Variants in CAAP1 observed in about 807,000 individuals in gnomAD.
The protein encoded by CAAP1 is conserved anti-apoptotic protein.
CAAP1 carries 20 observed loss-of-function variants against 34.0 expected under a neutral mutation model. That is an observed-to-expected ratio of 0.59 (90% CI 0.41 to 0.86). The LOEUF is 0.86. Among genes scored for constraint, CAAP1 ranks in the 40% least tolerant of loss-of-function variants. CAAP1 has a pLI of 0.00. For synonymous variants in CAAP1, 213 were observed against 166.7 expected, an observed-to-expected ratio of 1.28 and a Z score of -2.14; for missense variants, 538 against 450.5, an observed-to-expected ratio of 1.19 and a Z score of -1.76.
chr9:26,886,349 A>C (rs563702681), intron 2 of CAAP1, among the ~76,000 whole-genome samples, 161 bp from the exon 3 acceptor site: 1 of 152,342 alleles, frequency 6.6e-6, no homozygotes, highest in East Asian at 1.9e-4. Flanking sequence ...ATGAAATCTG[A>C]AAAACTGCCA....
At chr9:26,852,928 C>T (rs1321978324) in intron 5 of CAAP1, among the ~76,000 whole-genome samples, 1 of 152,158 alleles carries the variant, frequency 6.6e-6, no homozygotes, top group Non-Finnish European at 1.5e-5. Context: ...ACAGCAAAAG[C>T]AAAGCCTCTG....
chr9:26,859,472 T>G (rs1313549314), intron 5 of CAAP1, among the ~76,000 whole-genome samples: 3 of 152,218 alleles, frequency 2.0e-5, no homozygotes, highest in Non-Finnish European at 4.4e-5. Context: ...CTAGCTTTTC[T>G]TATCCTTTAT....
chr9:26,848,068 T>A (rs1050450485), intron 5 of CAAP1, among the ~76,000 whole-genome samples: 1 of 152,254 alleles, frequency 6.6e-6, no homozygotes, highest in Non-Finnish European at 1.5e-5. Context: ...AAACACTAGA[T>A]ATACTTTAAT....
chr9:26,873,274 T>C (rs1323443293), intron 4 of CAAP1, among the ~76,000 whole-genome samples: 1 of 152,182 alleles, frequency 6.6e-6, no homozygotes, highest in Non-Finnish European at 1.5e-5. Flanking sequence ...TGTTTTAACT[T>C]ATTTTGAGAA....
rs761402354 is a variant in CAAP1, at chr9:26,846,415, CAAAAAAAAAAAAA to C, written c.740-3781_740-3769del. On this transcript the variant is annotated intron_variant, in intron 5 of 5. Coordinates refer to ENST00000333916, the MANE Select transcript of CAAP1 (RefSeq NM_024828.4). ...TGGGTGACAGAGCGAGACTCTGTCT[CAAAAAAAAAAAAA>C]AAAAAAAAAAAGAAGAAGAAAAAAA... 8.5e-3 allele frequency among the ~76,000 whole-genome samples: 522 copies of C among 61,770 alleles called. 1 individual carries two copies. Among genetic ancestry groups the C allele is most frequent in the African/African-American group, 0.027 (478 of 17,722 alleles). 40.5% of individuals were successfully genotyped at this position (61,770 alleles called of 152,430 possible). A position where few individuals can be genotyped will look rare whatever the true frequency, so the allele number is the denominator to read the frequency against.
intron 4 of CAAP1, among the ~76,000 whole-genome samples, chr9:26,882,834 C>T (rs148464434): frequency 6.6e-6 from 1 of 152,296 alleles, no homozygotes; most frequent in African/African-American, 2.4e-5. Flanking sequence ...CCATTTGCAT[C>T]AGTGTGACCT....
chr9:26,858,738 G>A (rs140757333), intron 5 of CAAP1, among the ~76,000 whole-genome samples: 4,575 of 151,808 alleles, frequency 0.03, 79 homozygotes, highest in South Asian at 0.046. Flanking sequence ...CAGGGGAATG[G>A]TGTGAACCTG....
chr9:26,844,462 G>C (rs1822549489), intron 5 of CAAP1, among the ~76,000 whole-genome samples: 1 of 152,168 alleles, frequency 6.6e-6, no homozygotes, highest in Non-Finnish European at 1.5e-5. Context: ...CACTGATTCT[G>C]AATAAGAAAC....
In CAAP1 at chr9:26,841,592, C is replaced by G. The variant is rs1269254428; in HGVS notation, c.*709G>C. On this transcript the variant is annotated 3_prime_UTR_variant, in exon 6 of 6. Coordinates refer to ENST00000333916, the MANE Select transcript of CAAP1 (RefSeq NM_024828.4). ...TAAAATATTCTTCATTTCCTGACAG[C>G]TTGGAATGTAAATGAAAACTTGTTC... 1 of 152,480 alleles carries G rather than the reference C, an allele frequency of 6.6e-6. No homozygotes were observed. The highest frequency in any genetic ancestry group is 1.5e-5 in the Non-Finnish European group (1 of 67,970). 9.4% of individuals were successfully genotyped at this position (152,480 alleles called of 1,614,324 possible).
At chr9:26,867,502 T>A (rs1298221027) in intron 4 of CAAP1, among the ~76,000 whole-genome samples, 8 of 152,180 alleles carry the variant, frequency 5.3e-5, no homozygotes, top group Non-Finnish European at 8.8e-5. Context: ...CATTCACAGA[T>A]TCTAGGGATT....
chr9:26,852,412 G>A (rs995487309), intron 5 of CAAP1, among the ~76,000 whole-genome samples: 3 of 151,836 alleles, frequency 2.0e-5, no homozygotes, highest in South Asian at 2.1e-4. Context: ...CTGAGATCAC[G>A]CCACTGCACT....
rs73431869 is a variant in CAAP1, at chr9:26,889,958, T to C, written c.304-2445A>G. ...TGAAATGTTATCTACATGCCTAATA[T>C]GCAATGACCTTTTCTTCACAAATAC... is the stretch of plus-strand genomic sequence containing the variant. On this transcript the variant is annotated intron_variant, in intron 1 of 5. Transcript: ENST00000333916. Among the ~76,000 whole-genome samples, 468 of 151,660 alleles carry C rather than the reference T, an allele frequency of 3.1e-3. 2 individuals are homozygous for C. Among genetic ancestry groups the C allele is most frequent in the African/African-American group, 0.011 (447 of 41,244 alleles).
At chr9:26,859,941 C>T (rs979676604) in intron 5 of CAAP1, among the ~76,000 whole-genome samples, 2 of 152,104 alleles carry the variant, frequency 1.3e-5, no homozygotes, top group African/African-American at 4.8e-5. Flanking sequence ...GCTGTCTAAC[C>T]TTTTTTTCCA....
intron 5 of CAAP1, among the ~76,000 whole-genome samples, chr9:26,856,127 AAG>A (rs1491568924): frequency 3.8e-5 from 5 of 130,256 alleles, no homozygotes. Flanking sequence ...TTTTTTTTAA[AAG>A]GGGGGGGGTA....
chr9:26,864,604 C>A lies in CAAP1; in HGVS notation c.666-3465G>T, dbSNP rs142231139. 2.5e-3 allele frequency among the ~76,000 whole-genome samples: 386 copies of A among 152,294 alleles called. 4 individuals carry two copies. Among genetic ancestry groups the A allele is most frequent in the African/African-American group, 8.9e-3 (369 of 41,568 alleles). The stretch of plus-strand genomic sequence containing the variant: ...GCTTCATTGTATATAAACTGTCCCC[C>A]ACCCTGCGACTCCAAGATTTTGTGA... On this transcript the variant is annotated intron_variant, in intron 4 of 5. Transcript: ENST00000333916.
At chr9:26,847,099 A>C (rs1822628818) in intron 5 of CAAP1, among the ~76,000 whole-genome samples, 1 of 150,914 alleles carries the variant, frequency 6.6e-6, no homozygotes, top group African/African-American at 2.4e-5. Context: ...TTTTTGACTT[A>C]AAAATATATC....
rs574505888 is a variant in CAAP1 at position 26,843,348 on chromosome 9, A to C, written c.740-701T>G. Among the ~76,000 whole-genome samples the C allele has an allele frequency of 2.0e-5, 3 of 152,314 alleles. No homozygotes were observed. The East Asian group carries it at 5.8e-4, about 29-fold the overall frequency. Reference sequence around the variant, plus strand: ...TAAACACAGATTATGGTTCTCGACCACCTTGTTCTTGGCATTGAATACTAC... The same window carrying C: ...TAAACACAGATTATGGTTCTCGACCCCCTTGTTCTTGGCATTGAATACTAC... On this transcript the variant is annotated intron_variant, in intron 5 of 5. Coordinates refer to ENST00000333916, the MANE Select transcript of CAAP1 (RefSeq NM_024828.4).
chr9:26,853,421 T>A lies in CAAP1; in HGVS notation c.739+7645A>T, dbSNP rs112420025. Reference sequence around the variant, plus strand: ...CTTATTGGACATTTAATAAGTAAACTGGATACACAAGTGTTAGAAGTCTGA... The same window carrying A: ...CTTATTGGACATTTAATAAGTAAACAGGATACACAAGTGTTAGAAGTCTGA... On this transcript the variant is annotated intron_variant, in intron 5 of 5. Coordinates refer to ENST00000333916, the MANE Select transcript of CAAP1 (RefSeq NM_024828.4). Among the ~76,000 whole-genome samples the A allele has an allele frequency of 2.9e-3, 439 of 152,298 alleles. 1 individual carries two copies. Among genetic ancestry groups the A allele is most frequent in the African/African-American group, 0.01 (416 of 41,564 alleles).
intron 4 of CAAP1, among the ~76,000 whole-genome samples, chr9:26,883,148 A>AT (rs1823639332): frequency 6.6e-6 from 1 of 152,092 alleles, no homozygotes; most frequent in African/African-American, 2.4e-5. Flanking sequence ...GAAAGGCATG[A>AT]TTCGTTTTTC....
Sources: allele counts gnomAD v4.1 joint callset (sites outside exome capture counted in the v4.1 genomes callset), GRCh38; gene constraint gnomAD v4.1.1; transcripts MANE v1.5; gene names NCBI Gene and HGNC (gene_info 2026-07-23, HGNC 2026-07-21).